CLMN: variants seen among roughly 807,000 people sequenced by gnomAD.
The protein encoded by CLMN is calmin (calponin-like, transmembrane).
A neutral mutation model predicts 92.7 loss-of-function variants in CLMN; 57 were observed. That is an observed-to-expected ratio of 0.61 (90% CI 0.50 to 0.77). The LOEUF (loss-of-function observed/expected upper bound fraction) is 0.77. Ranked by LOEUF, CLMN falls within the 30% of genes least tolerant of loss-of-function variation. CLMN has a pLI of 0.00. For missense variants in CLMN, 1,158 were observed against 1,237.5 expected, an observed-to-expected ratio of 0.94 and a Z score of 0.96; for synonymous variants, 466 against 470.6, an observed-to-expected ratio of 0.99 and a Z score of 0.13.
At chr14:95,253,552 A>G (rs949686013) in intron 1 of CLMN, among the ~76,000 whole-genome samples, 1 of 151,794 alleles carries the variant, frequency 6.6e-6, no homozygotes, top group Non-Finnish European at 1.5e-5. Context: ...GTCACCTAAT[A>G]TGGCCCAGTC....
rs1420106717 is a variant in CLMN at position 95,183,859 on chromosome 14, T to C, written c.*7705A>G. On this transcript the variant is annotated 3_prime_UTR_variant, in exon 13 of 13. Transcript: ENST00000298912. ...TGACCTTATTTTTCTGTCCTGTGCTTTAGCTTCCTTTCCGAAATAAACACC... is the reference window on the plus strand; with the variant it reads ...TGACCTTATTTTTCTGTCCTGTGCTCTAGCTTCCTTTCCGAAATAAACACC... 1 of 152,250 alleles carries C rather than the reference T, an allele frequency of 6.6e-6. No homozygotes were observed. Among genetic ancestry groups the C allele is most frequent in the African/African-American group, 2.4e-5 (1 of 41,470 alleles). The allele number at this position is 152,250 out of a possible 1,614,324, so 9.4% of individuals were successfully genotyped here.
At chr14:95,193,390 G>C (rs1448315654) in intron 12 of CLMN, 10 of 1,534,690 alleles carry the variant, frequency 6.5e-6, no homozygotes, top group Non-Finnish European at 7.9e-6. Flanking sequence ...TGTAAAATCA[G>C]CTCAGTAAGC....
intron 1 of CLMN, among the ~76,000 whole-genome samples, chr14:95,238,351 A>C (rs1337560439): frequency 6.6e-6 from 1 of 152,246 alleles, no homozygotes; most frequent in African/African-American, 2.4e-5. Context: ...CAGGAATACC[A>C]GGCCAACGTC....
intron 1 of CLMN, among the ~76,000 whole-genome samples, chr14:95,311,290 A>G (rs1385569759): frequency 6.6e-6 from 1 of 152,110 alleles, no homozygotes; most frequent in East Asian, 1.9e-4. Flanking sequence ...TAGAGGATTA[A>G]AAATAGTTTT....
chr14:95,232,030 A>G (rs1595600380), intron 1 of CLMN, among the ~76,000 whole-genome samples: 2 of 152,228 alleles, frequency 1.3e-5, no homozygotes, highest in East Asian at 1.9e-4. Context: ...TTTCTGTTTT[A>G]CAGATGAAGA....
chr14:95,267,183 C>T (rs1048072743), intron 1 of CLMN, among the ~76,000 whole-genome samples: 3 of 152,160 alleles, frequency 2.0e-5, no homozygotes, highest in Admixed American at 6.5e-5. Flanking sequence ...ATTGGGATCA[C>T]ATCAAGCTAA....
chr14:95,283,581 TA>T (rs2140744829), intron 1 of CLMN, among the ~76,000 whole-genome samples: 1 of 152,278 alleles, frequency 6.6e-6, no homozygotes, highest in Non-Finnish European at 1.5e-5. Context: ...AAAATGCTGA[TA>T]GCAACATGGA....
At chr14:95,251,816 G>C (rs146653856) in intron 1 of CLMN, among the ~76,000 whole-genome samples, 267 of 152,304 alleles carry the variant, frequency 1.8e-3, no homozygotes, top group Non-Finnish European at 3.1e-3. Flanking sequence ...GCTCCTCAGA[G>C]CCTAGTGGTT....
Position 95,194,403 on chromosome 14 carries a change from C to A in CLMN, c.2769+133G>T. ...CTGTGCTTAATGATAAGGTTCCAAT[C>A]TGCTTGTCTTCTATCCAAAAGTATA... On this transcript the variant is annotated intron_variant, in intron 11 of 12. Coordinates refer to ENST00000298912, the MANE Select transcript of CLMN (RefSeq NM_024734.4). This position sits in a 1 kb window ranked among gnomAD's most constrained non-coding sequence, Gnocchi z 4.0. 6.5e-7 allele frequency: 1 copy of A among 1,532,108 alleles called. No homozygotes were observed. The highest frequency in any genetic ancestry group is 2.4e-5 in the East Asian group (1 of 41,334). 94.9% of individuals were successfully genotyped at this position (1,532,108 alleles called of 1,614,324 possible). A position where few individuals can be genotyped will look rare whatever the true frequency, so the allele number is the denominator to read the frequency against.
At chr14:95,291,800 G>C (rs1409393493) in intron 1 of CLMN, among the ~76,000 whole-genome samples, 1 of 152,204 alleles carries the variant, frequency 6.6e-6, no homozygotes, top group African/African-American at 2.4e-5. Context: ...AGAAGCCGTG[G>C]ATGGCCAACA....
At chr14:95,277,446 G>A (rs995509902) in intron 1 of CLMN, among the ~76,000 whole-genome samples, 5 of 152,106 alleles carry the variant, frequency 3.3e-5, no homozygotes, top group South Asian at 2.1e-4. Flanking sequence ...CTTGGTCTCC[G>A]CCATTTGGAA....
chr14:95,258,885 T>C (rs575704753), intron 1 of CLMN, among the ~76,000 whole-genome samples: 2 of 151,394 alleles, frequency 1.3e-5, no homozygotes, highest in South Asian at 2.1e-4. Context: ...ATCTGTGGTG[T>C]GTGTGTGGAG....
At chr14:95,270,650 T>A (rs573281981) in intron 1 of CLMN, among the ~76,000 whole-genome samples, 3 of 149,806 alleles carry the variant, frequency 2.0e-5, no homozygotes, top group Admixed American at 2.0e-4. Flanking sequence ...TCCTTTCTTT[T>A]TATTGCAGAT....
At chr14:95,249,005 T>C (rs373058665) in intron 1 of CLMN, among the ~76,000 whole-genome samples, 1 of 152,368 alleles carries the variant, frequency 6.6e-6, no homozygotes, top group East Asian at 1.9e-4. Flanking sequence ...AAATTTTCTT[T>C]GTACAAAATG....
intron 4 of CLMN, among the ~76,000 whole-genome samples, chr14:95,218,706 C>T (rs1335634561): frequency 2.0e-5 from 3 of 152,224 alleles, no homozygotes; most frequent in African/African-American, 7.2e-5. Context: ...GCCTTCCCAC[C>T]GGGCCATTCA....
intron 1 of CLMN, among the ~76,000 whole-genome samples, chr14:95,298,302 CAGA>C (rs1484092847): frequency 6.6e-6 from 1 of 152,104 alleles, no homozygotes; most frequent in Admixed American, 6.5e-5. Flanking sequence ...TCAGATCTGC[CAGA>C]AGGTGAGTGG....
chr14:95,304,039 A>G (rs887707046), intron 1 of CLMN, among the ~76,000 whole-genome samples: 1 of 152,208 alleles, frequency 6.6e-6, no homozygotes, highest in East Asian at 1.9e-4. Context: ...GGCAAACTCA[A>G]AGAAATCTAC....
At position 95,194,959 on chromosome 14, in the gene CLMN, G is replaced by C. The variant is rs1211781365; in HGVS notation, c.2709-363C>G. 6.6e-6 allele frequency among the ~76,000 whole-genome samples: 1 copy of C among 152,220 alleles called. No individual in the cohort carries two copies. Among genetic ancestry groups the C allele is most frequent in the African/African-American group, 2.4e-5 (1 of 41,458 alleles). The stretch of plus-strand genomic sequence containing the variant: ...AGGTTCTCTGCAATTAGTCAGACCT[G>C]GGCCTAGACCAGGCTGCCCTGACTC... On this transcript the variant is annotated intron_variant, in intron 10 of 12. Coordinates refer to ENST00000298912, the MANE Select transcript of CLMN (RefSeq NM_024734.4). This position sits in a 1 kb window ranked among gnomAD's most constrained non-coding sequence, Gnocchi z 4.0.
intron 7 of CLMN, among the ~76,000 whole-genome samples, chr14:95,210,476 A>C (rs1286339919): frequency 6.6e-6 from 1 of 152,244 alleles, no homozygotes; most frequent in Non-Finnish European, 1.5e-5. Context: ...AAAATTATAT[A>C]TATACAGTAA....
Sources: gnomAD v4.1 joint callset for allele counts (sites outside exome capture counted in the v4.1 genomes callset) on GRCh38, gnomAD v4.1.1 for gene constraint, Gnocchi (gnomAD v3.1) non-coding constraint, MANE v1.5 for transcripts, NCBI Gene and HGNC (gene_info 2026-07-23, HGNC 2026-07-21) for gene names.